The following FAM184B variants were observed in gnomAD, a reference collection of about 807,000 sequenced individuals.
The protein encoded by FAM184B is family with sequence similarity 184 member B.
A neutral mutation model predicts 135.9 loss-of-function variants in FAM184B; 111 were observed. The ratio of observed to expected loss-of-function variants is 0.82; its 90% CI spans 0.70 to 0.96. The LOEUF is 0.96. Ranked by LOEUF, FAM184B falls within the 40% of genes least tolerant of loss-of-function variation. FAM184B has a pLI of 0.00. For missense variants in FAM184B, 1,375 were observed against 1,323.9 expected (o/e 1.04, Z -0.60); for synonymous variants, 552 against 524.8 (o/e 1.05, Z -0.71).
At chr4:17,724,626 C>G (rs769962314) in intron 1 of FAM184B, among the ~76,000 whole-genome samples, 20 of 152,254 alleles carry the variant, frequency 1.3e-4, no homozygotes, top group African/African-American at 3.6e-4. Context: ...GATGATGTAA[C>G]GAGGTGCTAC....
In FAM184B at chr4:17,770,909, G is replaced by A. The variant is rs369927547; in HGVS notation, c.141+10250C>T. Among the ~76,000 whole-genome samples the A allele has an allele frequency of 3.4e-4, 52 of 152,270 alleles. 1 individual carries two copies. In the East Asian group the frequency reaches 6.0e-3, roughly 18 times the overall value. On this transcript the variant is annotated intron_variant, in intron 1 of 17. Coordinates refer to ENST00000265018, the MANE Select transcript of FAM184B (RefSeq NM_015688.2). ...TGGCTTTCAGTATCTTCAGAGTTGC[G>A]GAACCATCACCACAACCAACTTTAG... is the stretch of plus-strand genomic sequence containing the variant.
chr4:17,698,770 T>C (rs952134556), intron 5 of FAM184B, among the ~76,000 whole-genome samples: 6 of 152,176 alleles, frequency 3.9e-5, no homozygotes, highest in Non-Finnish European at 7.4e-5. Flanking sequence ...TAATTTATCA[T>C]AATAAAAATG....
At chr4:17,754,519 C>G (rs1355276092) in intron 1 of FAM184B, among the ~76,000 whole-genome samples, 1 of 149,932 alleles carries the variant, frequency 6.7e-6, no homozygotes, top group Non-Finnish European at 1.5e-5. Flanking sequence ...CCATTGCACT[C>G]CAGCCTGGGC....
chr4:17,739,357 C>T (rs1577284337), intron 1 of FAM184B, among the ~76,000 whole-genome samples: 1 of 152,036 alleles, frequency 6.6e-6, no homozygotes, highest in Admixed American at 6.6e-5. Flanking sequence ...CTGCTGTTCC[C>T]GCCTCTGTCC....
chr4:17,761,482 G>C (rs1577293065), intron 1 of FAM184B, among the ~76,000 whole-genome samples: 1 of 152,160 alleles, frequency 6.6e-6, no homozygotes, highest in Admixed American at 6.5e-5. Context: ...CTAACACCTG[G>C]CTCTCTTCAC....
intron 5 of FAM184B, among the ~76,000 whole-genome samples, chr4:17,701,291 A>G (rs1177498932): frequency 2.0e-5 from 3 of 152,226 alleles, no homozygotes; most frequent in Non-Finnish European, 4.4e-5. Context: ...GGCAATGTAT[A>G]TTCTTTTATA....
chr4:17,674,114 T>C (rs1194065652), intron 7 of FAM184B, among the ~76,000 whole-genome samples: 1 of 151,504 alleles, frequency 6.6e-6, no homozygotes, highest in Non-Finnish European at 1.5e-5. Flanking sequence ...AAGGTAAATA[T>C]ATAGGCAAAT....
At chr4:17,699,796 T>C (rs1716943902) in intron 5 of FAM184B, among the ~76,000 whole-genome samples, 1 of 152,138 alleles carries the variant, frequency 6.6e-6, no homozygotes, top group Admixed American at 6.5e-5. Flanking sequence ...TGACCCTTTT[T>C]TCTCATTAAC....
intron 1 of FAM184B, among the ~76,000 whole-genome samples, chr4:17,778,762 G>A (rs1002559379): frequency 1.1e-4 from 17 of 152,100 alleles, no homozygotes; most frequent in African/African-American, 4.1e-4. Context: ...GGGAGTCTGA[G>A]GTGGGAGGAT....
At chr4:17,719,325 T>C (rs1717467162) in intron 1 of FAM184B, among the ~76,000 whole-genome samples, 3 of 152,106 alleles carry the variant, frequency 2.0e-5, no homozygotes, top group Non-Finnish European at 4.4e-5. Flanking sequence ...ATGATTCACA[T>C]CCCAGGAGGA....
At chr4:17,751,668 G>C (rs1308554685) in intron 1 of FAM184B, among the ~76,000 whole-genome samples, 1 of 152,028 alleles carries the variant, frequency 6.6e-6, no homozygotes, top group Non-Finnish European at 1.5e-5. Flanking sequence ...ATCTGAGCCT[G>C]TTTCAACATC....
intron 2 of FAM184B, among the ~76,000 whole-genome samples, 183 bp downstream of exon 2, chr4:17,708,690 TATATATATATATATATATA>T (rs1186088909): frequency 2.1e-4 from 10 of 48,770 alleles, no homozygotes; most frequent in Non-Finnish European, 3.3e-4. Flanking sequence ...TATATATATA[TATATATATATATATATATA>T]GTGTCTGTGT....
chr4:17,690,246 A>G (rs900385237), intron 6 of FAM184B, among the ~76,000 whole-genome samples: 3 of 152,138 alleles, frequency 2.0e-5, no homozygotes, highest in African/African-American at 7.2e-5. Flanking sequence ...GCCATTGGTG[A>G]AGGTGGGATA....
At chr4:17,748,981 C>A (rs1222846262) in intron 1 of FAM184B, among the ~76,000 whole-genome samples, 3 of 149,080 alleles carry the variant, frequency 2.0e-5, no homozygotes, top group African/African-American at 4.9e-5. Context: ...TGCTTGCCAG[C>A]ACACCCAGCT....
Position 17,711,335 on chromosome 4 carries a change from C to T in FAM184B, c.142-1691G>A, listed in dbSNP as rs182359094. Among the ~76,000 whole-genome samples the T allele has an allele frequency of 5.7e-4, 86 of 151,880 alleles. No individual in the cohort carries two copies. The East Asian group carries it at 8.7e-3, about 15-fold the overall frequency. On this transcript the variant is annotated intron_variant, in intron 1 of 17. Coordinates refer to ENST00000265018, the MANE Select transcript of FAM184B (RefSeq NM_015688.2). ...CTCTACTAAAATTACAAAAATTAGC[C>T]GGGCGTGGGGTGGGTGCCTGTACTT...
In FAM184B at chr4:17,674,700, T is replaced by C. The variant is rs551232962; in HGVS notation, c.1597-10041A>G. ...CTCAAACTGTCACTGATCTATTAACTAAGTTCATGTAATATTCTAAATCCT... is the reference window on the plus strand; with the variant it reads ...CTCAAACTGTCACTGATCTATTAACCAAGTTCATGTAATATTCTAAATCCT... On this transcript the variant is annotated intron_variant, in intron 7 of 17. Transcript: ENST00000265018. Among the ~76,000 whole-genome samples, 8 of 152,352 alleles carry C rather than the reference T, an allele frequency of 5.3e-5. No homozygotes were observed. The South Asian group carries it at 1.7e-3, about 32-fold the overall frequency.
chr4:17,731,928 G>C (rs902208206), intron 1 of FAM184B, among the ~76,000 whole-genome samples: 1 of 151,958 alleles, frequency 6.6e-6, no homozygotes, highest in Non-Finnish European at 1.5e-5. Context: ...TGACCACATA[G>C]TTGGAAGTAA....
intron 14 of FAM184B, among the ~76,000 whole-genome samples, chr4:17,638,906 C>T (rs6449320): frequency 0.065 from 9,925 of 152,102 alleles, 1,111 homozygotes; most frequent in African/African-American, 0.23. Context: ...TCCTGATCTC[C>T]GTTCACTGAA....
intron 1 of FAM184B, among the ~76,000 whole-genome samples, chr4:17,720,703 T>C (rs988259129): frequency 6.0e-5 from 9 of 151,098 alleles, no homozygotes; most frequent in Admixed American, 1.3e-4. Flanking sequence ...CTGGCCAACA[T>C]GGTGAAACCC....
Sources: allele counts gnomAD v4.1 joint callset (sites outside exome capture counted in the v4.1 genomes callset), GRCh38; gene constraint gnomAD v4.1.1; transcripts MANE v1.5; gene names NCBI Gene and HGNC (gene_info 2026-07-23, HGNC 2026-07-21).